CDKL1: variants seen among roughly 807,000 people sequenced by gnomAD.
The protein encoded by CDKL1 is cyclin-dependent kinase-like 1.
CDKL1 carries 41 observed loss-of-function variants against 42.0 expected under a neutral mutation model. That is an observed-to-expected ratio of 0.98 (90% CI 0.76 to 1.27). The LOEUF is 1.27. Among genes scored for constraint, CDKL1 ranks in the 50% most tolerant of loss-of-function variants. The probability of loss-of-function intolerance (pLI) is 0.00; values close to 1 mark genes in which losing one functional copy is unlikely to be tolerated. For synonymous variants in CDKL1, 153 were observed against 158.6 expected, an observed-to-expected ratio of 0.96 and a Z score of 0.26; for missense variants, 394 against 428.4, an observed-to-expected ratio of 0.92 and a Z score of 0.71.
chr14:50,380,278 C>T (rs1268383764), intron 2 of CDKL1: 4 of 523,662 alleles, frequency 7.6e-6, no homozygotes, highest in Non-Finnish European at 7.8e-6. Context: ...CCATCAAAGA[C>T]TTAGGAATGC....
chr14:50,341,446 G>A lies in CDKL1; in HGVS notation c.455-214C>T, dbSNP rs11570838. On this transcript the variant is annotated intron_variant, in intron 5 of 9. Transcript: ENST00000395834. ...CCAGTCCAATTAAAACAGAATCCCT[G>A]GGGAGGGTCTGGGGGGGGGGGGGGG... 7.0e-3 allele frequency among the ~76,000 whole-genome samples: 907 copies of A among 129,628 alleles called. 12 individuals carry two copies. The highest frequency in any genetic ancestry group is 0.03 in the African/African-American group (864 of 28,674). 85.0% of individuals were successfully genotyped at this position (129,628 alleles called of 152,430 possible).
chr14:50,376,213 G>A, intron 2 of CDKL1: 1 of 300,018 alleles, frequency 3.3e-6, no homozygotes. Context: ...AATATAAGAT[G>A]TTACTAAAAG....
At chr14:50,376,746 G>T (rs2034744592) in intron 2 of CDKL1, among the ~76,000 whole-genome samples, 1 of 151,932 alleles carries the variant, frequency 6.6e-6, no homozygotes, top group South Asian at 2.1e-4. Flanking sequence ...ACACTATATT[G>T]AGCCCTCTGC....
chr14:50,326,764 G>C lies in CDKL1; in HGVS notation c.*3310C>G. ...TGAAACCTAACATTGCTTTAGGCTG[G>C]GTGCCGTGGCTCGTGCCTGTAATCC... is the stretch of plus-strand genomic sequence containing the variant. On this transcript the variant is annotated 3_prime_UTR_variant, in exon 10 of 10. Transcript: ENST00000395834. 1.0e-6 allele frequency: 1 copy of C among 985,272 alleles called. No homozygotes were observed. The highest frequency in any genetic ancestry group is 1.2e-6 in the Non-Finnish European group (1 of 829,844). The allele number at this position is 985,272 out of a possible 1,614,324, so 61.0% of individuals were successfully genotyped here.
At chr14:50,390,702 C>A (rs755418826) in intron 2 of CDKL1, among the ~76,000 whole-genome samples, 36 of 152,338 alleles carry the variant, frequency 2.4e-4, no homozygotes, top group Non-Finnish European at 4.1e-4. Context: ...CCTTTCCTTG[C>A]CCCTTGCCGG....
chr14:50,376,844 C>G (rs1002602049), intron 2 of CDKL1, among the ~76,000 whole-genome samples: 45 of 151,906 alleles, frequency 3.0e-4, no homozygotes, highest in African/African-American at 1.0e-3. Flanking sequence ...ATTCAAGCAC[C>G]CAGATGTTGA....
chr14:50,328,867 C>T lies in CDKL1; in HGVS notation c.*1207G>A, dbSNP rs1192806704. 6.6e-6 allele frequency: 1 copy of T among 151,330 alleles called. No homozygotes were observed. Among genetic ancestry groups the T allele is most frequent in the African/African-American group, 2.4e-5 (1 of 41,092 alleles). The allele number at this position is 151,330 out of a possible 1,614,324, so 9.4% of individuals were successfully genotyped here. A position where few individuals can be genotyped will look rare whatever the true frequency, so the allele number is the denominator to read the frequency against. On this transcript the variant is annotated 3_prime_UTR_variant, in exon 10 of 10. Transcript: ENST00000395834. ...AATTAGCCAGTATAGTGGCACATGC[C>T]TGCAGTCCCAGCTACTTGGGAGGCT...
At chr14:50,357,569 G>A (rs1364347859) in intron 3 of CDKL1, among the ~76,000 whole-genome samples, 1 of 152,116 alleles carries the variant, frequency 6.6e-6, no homozygotes, top group African/African-American at 2.4e-5. Context: ...CTTATCTAAA[G>A]TCTCCTCCCC....
chr14:50,374,909 G>A (rs2034687568), intron 2 of CDKL1, among the ~76,000 whole-genome samples: 1 of 152,114 alleles, frequency 6.6e-6, no homozygotes, highest in Non-Finnish European at 1.5e-5. Flanking sequence ...GACACAGGGA[G>A]GGGAACATCA....
In CDKL1 at chr14:50,392,568, T is replaced by C. The variant is rs182610644; in HGVS notation, c.168+3133A>G. Among the ~76,000 whole-genome samples, 20 of 152,146 alleles carry C rather than the reference T, an allele frequency of 1.3e-4. No homozygotes were observed. The East Asian group carries it at 3.5e-3, about 26-fold the overall frequency. On this transcript the variant is annotated intron_variant, in intron 2 of 9. Transcript: ENST00000395834. ...CCTCCCTTGCCGGTTCCTTTTCATC[T>C]TCCTGACCCCCAAAGGCTGGGTACA...
intron 3 of CDKL1, among the ~76,000 whole-genome samples, chr14:50,352,890 T>C (rs1426102438): frequency 1.3e-5 from 2 of 152,252 alleles, no homozygotes; most frequent in Admixed American, 1.3e-4. Context: ...TACTAGCTCA[T>C]GCTTTCTTTG....
chr14:50,396,400 T>TAAC (rs1555346402), intron 1 of CDKL1, 71 bp from the exon 2 acceptor site: 1 of 985,264 alleles, frequency 1.0e-6, no homozygotes, highest in African/African-American at 1.8e-5. Context: ...CGATCAGGAG[T>TAAC]AACAGCCTAG....
chr14:50,332,873 G>T, intron 8 of CDKL1: 2 of 455,700 alleles, frequency 4.4e-6, no homozygotes, highest in Non-Finnish European at 3.8e-6. Flanking sequence ...ACCACTGTAG[G>T]TGTTCCCTTC....
intron 7 of CDKL1, chr14:50,335,932 T>C (rs1232013200): frequency 1.5e-6 from 2 of 1,307,132 alleles, no homozygotes; most frequent in East Asian, 4.8e-5. Context: ...AAAAAAAAAA[T>C]CCTAAAGTAG....
intron 2 of CDKL1, among the ~76,000 whole-genome samples, chr14:50,367,896 C>T (rs1453072687): frequency 2.0e-5 from 3 of 152,194 alleles, no homozygotes. Flanking sequence ...ACTTTTGCTG[C>T]TGCTATTTTA....
Position 50,359,084 on chromosome 14 carries a change from C to A in CDKL1, c.234G>T (p.Leu78=). 1 of 1,613,000 alleles carries A rather than the reference C, an allele frequency of 6.2e-7. No individual in the cohort carries two copies. Among genetic ancestry groups the A allele is most frequent in the African/African-American group, 1.3e-5 (1 of 74,996 alleles). The change falls in exon 3 of 10, where the codon CTG becomes CTT. Residue 78 remains leucine (L), a synonymous_variant. Coordinates refer to ENST00000395834, the MANE Select transcript of CDKL1 (RefSeq NM_004196.7). ...EVFRRKRRLH[L]VFEYCDHTVL... The stretch of plus-strand genomic sequence containing the variant: ...CTGTGTGGTCACAATATTCAAACAC[C>A]AGGTGAAGCCTCCGTTTCCTCCTGA...
At chr14:50,369,633 C>CAT (rs1322322264) in intron 2 of CDKL1, among the ~76,000 whole-genome samples, 7 of 149,304 alleles carry the variant, frequency 4.7e-5, no homozygotes, top group African/African-American at 1.7e-4. Context: ...CACACACACA[C>CAT]ACATATATAT....
intron 2 of CDKL1, among the ~76,000 whole-genome samples, chr14:50,366,316 G>A (rs2034434935): frequency 6.6e-6 from 1 of 152,212 alleles, no homozygotes; most frequent in Non-Finnish European, 1.5e-5. Context: ...CAAGGGCAGG[G>A]GTGGTGGTAA....
intron 7 of CDKL1, chr14:50,335,869 A>G: frequency 1.6e-6 from 2 of 1,267,376 alleles, no homozygotes; most frequent in Non-Finnish European, 2.0e-6. Context: ...CTAATCATTG[A>G]TAAGAGTAGG....
Sources: gnomAD v4.1 joint callset for allele counts (sites outside exome capture counted in the v4.1 genomes callset) on GRCh38, gnomAD v4.1.1 for gene constraint, MANE v1.5 for transcripts, NCBI Gene and HGNC (gene_info 2026-07-23, HGNC 2026-07-21) for gene names.